Variants in CDH19 observed in about 807,000 individuals in gnomAD.
CDH19 encodes cadherin 19, also known as cadherin-19.
Under a neutral mutation model 64.2 loss-of-function variants are expected in CDH19, and 67 were observed. That is an observed-to-expected ratio of 1.04 (90% confidence interval 0.86 to 1.28). The LOEUF (loss-of-function observed/expected upper bound fraction) is 1.28. CDH19 is among the 50% of genes most tolerant of loss of function. The pLI, the probability that CDH19 is intolerant of heterozygous loss-of-function variation, is 0.00. For missense variants in CDH19, 1,030 were observed against 929.0 expected (o/e 1.11, Z -1.41); for synonymous variants, 346 against 319.3 (o/e 1.08, Z -0.89).
intron 7 of CDH19, among the ~76,000 whole-genome samples, chr18:66,542,095 A>AT (rs1344913202): frequency 2.0e-5 from 3 of 152,138 alleles, no homozygotes; most frequent in Non-Finnish European, 4.4e-5. Context: ...TCATCAAAGC[A>AT]TTTTTTAACA....
At chr18:66,561,946 CA>C in intron 3 of CDH19, among the ~76,000 whole-genome samples, 1 of 151,778 alleles carries the variant, frequency 6.6e-6, no homozygotes, top group East Asian at 1.9e-4. Context: ...AGCTAGTTTC[CA>C]AATCTTGGCA....
intron 1 of CDH19, among the ~76,000 whole-genome samples, chr18:66,578,876 C>G (rs565476714): frequency 6.6e-6 from 1 of 151,896 alleles, no homozygotes; most frequent in East Asian, 1.9e-4. Flanking sequence ...GTAAAACAAG[C>G]CTGCCAACAA....
chr18:66,535,058 T>C lies in CDH19; in HGVS notation c.1264A>G (p.Ile422Val), dbSNP rs1986604998. Residue 422 changes from isoleucine (I) to valine (V), a missense_variant, in exon 8 of 12, where the codon ATC becomes GTC. By Grantham distance (29) the Ile-to-Val change is conservative. Coordinates refer to ENST00000262150, the MANE Select transcript of CDH19 (RefSeq NM_021153.4). The stretch of plus-strand genomic sequence containing the variant: ...CGATCCAGTGAGTTACTTGTAGTGA[T>C]TGTACCATTATCATTGATATTGAAC... ...KVFNINDNGT[I>V]TTSNSLDREI... 6.6e-7 allele frequency: 1 copy of C among 1,513,600 alleles called. No individual in the cohort carries two copies. The highest frequency in any genetic ancestry group is 1.4e-5 in the African/African-American group (1 of 73,036). The allele number at this position is 1,513,600 out of a possible 1,614,324, so 93.8% of individuals were successfully genotyped here. A position where few individuals can be genotyped will look rare whatever the true frequency, so the allele number is the denominator to read the frequency against.
At chr18:66,578,349 C>T (rs1378306470) in intron 1 of CDH19, among the ~76,000 whole-genome samples, 1 of 151,858 alleles carries the variant, frequency 6.6e-6, no homozygotes, top group African/African-American at 2.4e-5. Flanking sequence ...AAAGAGTTGA[C>T]ATGTAAAATA....
At chr18:66,511,542 A>T in intron 10 of CDH19, 26 bp downstream of exon 10, 1 of 969,060 alleles carries the variant, frequency 1.0e-6, no homozygotes. Context: ...AATGTATCAA[A>T]ACTCATTATG....
At chr18:66,538,283 T>C (rs1986752561) in intron 7 of CDH19, among the ~76,000 whole-genome samples, 1 of 152,122 alleles carries the variant, frequency 6.6e-6, no homozygotes, top group African/African-American at 2.4e-5. Flanking sequence ...ACATTTGCAA[T>C]AGTTTGCCTT....
At chr18:66,544,596 A>T in intron 6 of CDH19, 123 bp downstream of exon 6, 1 of 643,398 alleles carries the variant, frequency 1.6e-6, no homozygotes, top group Non-Finnish European at 2.5e-6. Context: ...TTGTCTCCAT[A>T]AAACATAAAT....
At chr18:66,599,553 T>C (rs1165339207) in intron 1 of CDH19, among the ~76,000 whole-genome samples, 1 of 152,088 alleles carries the variant, frequency 6.6e-6, no homozygotes, top group African/African-American at 2.4e-5. Flanking sequence ...AAAGTTTAAA[T>C]GTTCTCACCA....
chr18:66,602,694 C>T (rs371170398), intron 1 of CDH19, among the ~76,000 whole-genome samples: 2 of 151,580 alleles, frequency 1.3e-5, no homozygotes, highest in East Asian at 1.9e-4. Flanking sequence ...GTTATAAAGG[C>T]TTGGTAAAGT....
intron 10 of CDH19, among the ~76,000 whole-genome samples, 183 bp from the exon 11 acceptor site, chr18:66,509,429 T>C (rs62094753): frequency 0.23 from 34,900 of 151,640 alleles, 4,427 homozygotes; most frequent in East Asian, 0.46. Flanking sequence ...TGTTTTGACA[T>C]TACCTAAACC....
In CDH19 at chr18:66,531,098, C is replaced by G. The variant is rs568605679; in HGVS notation, c.1337-1132G>C. On this transcript the variant is annotated intron_variant, in intron 8 of 11. Coordinates refer to ENST00000262150, the MANE Select transcript of CDH19 (RefSeq NM_021153.4). ...TGAAAAATAACAATGTAAACCGACTCTAGCAATGGATAATGAAATTTAAAC... is the reference window on the plus strand; with the variant it reads ...TGAAAAATAACAATGTAAACCGACTGTAGCAATGGATAATGAAATTTAAAC... 6.6e-5 allele frequency among the ~76,000 whole-genome samples: 10 copies of G among 152,258 alleles called. No homozygotes were observed. In the South Asian group the frequency reaches 2.1e-3, roughly 32 times the overall value.
chr18:66,528,907 T>C (rs1986327056), intron 9 of CDH19, among the ~76,000 whole-genome samples: 1 of 152,050 alleles, frequency 6.6e-6, no homozygotes, highest in African/African-American at 2.4e-5. Flanking sequence ...AACTGTTTAG[T>C]ATCATGAACT....
intron 3 of CDH19, among the ~76,000 whole-genome samples, chr18:66,560,377 C>T (rs948205871): frequency 6.6e-5 from 10 of 151,918 alleles, no homozygotes; most frequent in African/African-American, 2.4e-4. Context: ...TTTATCTGTC[C>T]ATCTATCTAA....
intron 9 of CDH19, among the ~76,000 whole-genome samples, chr18:66,522,977 T>C (rs1986060579): frequency 6.6e-6 from 1 of 151,890 alleles, no homozygotes; most frequent in African/African-American, 2.4e-5. Context: ...TAAATATTTA[T>C]ACTAATTAAA....
intron 1 of CDH19, among the ~76,000 whole-genome samples, chr18:66,578,613 C>A (rs1988334806): frequency 6.6e-6 from 1 of 151,790 alleles, no homozygotes; most frequent in South Asian, 2.1e-4. Flanking sequence ...TCCAGCCATT[C>A]TAGATATTAG....
intron 1 of CDH19, among the ~76,000 whole-genome samples, chr18:66,600,925 T>C (rs148370860): frequency 2.2e-3 from 340 of 152,020 alleles, no homozygotes; most frequent in African/African-American, 7.8e-3. Flanking sequence ...AGGGGAATTA[T>C]ATCCACCTGA....
chr18:66,513,020 T>G (rs1351655119), intron 9 of CDH19, among the ~76,000 whole-genome samples: 2 of 151,558 alleles, frequency 1.3e-5, no homozygotes, highest in Admixed American at 1.3e-4. Context: ...AGTTTTTGCA[T>G]ATCATGGTGT....
intron 5 of CDH19, among the ~76,000 whole-genome samples, chr18:66,549,943 C>T (rs1207392951): frequency 6.6e-6 from 1 of 151,862 alleles, no homozygotes. Context: ...TCACTTGGGC[C>T]ATTAAAAATG....
intron 1 of CDH19, among the ~76,000 whole-genome samples, chr18:66,587,249 T>C (rs1988604079): frequency 6.6e-6 from 1 of 152,112 alleles, no homozygotes; most frequent in Non-Finnish European, 1.5e-5. Context: ...GTTAGGAGTG[T>C]CAAATGAGAG....
Sources: gnomAD v4.1 joint callset for allele counts (sites outside exome capture counted in the v4.1 genomes callset) on GRCh38, gnomAD v4.1.1 for gene constraint, MANE v1.5 for transcripts, NCBI Gene and HGNC (gene_info 2026-07-23, HGNC 2026-07-21) for gene names.